The following SOX6 variants were observed in gnomAD, a reference collection of about 807,000 sequenced individuals.
SOX6 encodes the protein transcription factor SOX-6.
A neutral mutation model predicts 97.8 loss-of-function variants in SOX6; 11 were observed. The observed-to-expected ratio is 0.11, with a 90% CI of 0.07 to 0.19. The LOEUF (loss-of-function observed/expected upper bound fraction) is 0.19. Ranked by LOEUF, SOX6 falls within the 10% of genes least tolerant of loss-of-function variation. The probability of loss-of-function intolerance (pLI) is 1.00; values close to 1 mark genes in which losing one functional copy is unlikely to be tolerated. For synonymous variants in SOX6, 360 were observed against 371.4 expected, an observed-to-expected ratio of 0.97 and a Z score of 0.35; for missense variants, 810 against 1,039.5, an observed-to-expected ratio of 0.78 and a Z score of 3.04.
intron 1 of SOX6, among the ~76,000 whole-genome samples, chr11:16,375,632 T>A (rs991589586): frequency 1.3e-5 from 2 of 152,090 alleles, no homozygotes; most frequent in African/African-American, 4.8e-5. Flanking sequence ...GGCAAACACA[T>A]TTTTTTAAAG....
chr11:16,718,667 G>T (rs1044133782), intron 2 of SOX6, among the ~76,000 whole-genome samples: 1 of 152,020 alleles, frequency 6.6e-6, no homozygotes, highest in Non-Finnish European at 1.5e-5. Context: ...TTCCTGAGTG[G>T]TGAGATTATA....
intron 9 of SOX6, among the ~76,000 whole-genome samples, chr11:16,095,135 A>C (rs1848766337): frequency 6.6e-6 from 1 of 151,902 alleles, no homozygotes; most frequent in South Asian, 2.1e-4. Flanking sequence ...ATCTGCTATT[A>C]TATCTAACCC....
intron 3 of SOX6, chr11:16,317,674 T>A (rs978197808): frequency 6.5e-6 from 1 of 153,166 alleles, no homozygotes; most frequent in Non-Finnish European, 1.5e-5. Context: ...AATTTGTCTA[T>A]AGTAAAAAAC....
chr11:16,593,911 T>A (rs1226393715), intron 4 of SOX6, among the ~76,000 whole-genome samples: 1 of 152,052 alleles, frequency 6.6e-6, no homozygotes, highest in African/African-American at 2.4e-5. Flanking sequence ...AATTCAGAAT[T>A]AAAAAAGAAA....
At chr11:16,421,750 G>C (rs1425415471) in intron 1 of SOX6, among the ~76,000 whole-genome samples, 1 of 152,160 alleles carries the variant, frequency 6.6e-6, no homozygotes, top group East Asian at 1.9e-4. Flanking sequence ...GTTATCTTAG[G>C]TCACATTTCA....
chr11:16,573,468 A>C (rs962236291), intron 4 of SOX6, among the ~76,000 whole-genome samples: 15 of 152,218 alleles, frequency 9.9e-5, no homozygotes, highest in Non-Finnish European at 1.5e-5. Flanking sequence ...TTCATGCATT[A>C]TTTCATTATT....
chr11:16,428,356 T>C (rs1859196242), intron 1 of SOX6, among the ~76,000 whole-genome samples: 1 of 152,256 alleles, frequency 6.6e-6, no homozygotes, highest in South Asian at 2.1e-4. Context: ...CAATTTTGGC[T>C]TTTGTTGCCA....
intron 1 of SOX6, among the ~76,000 whole-genome samples, chr11:16,424,355 C>T (rs1017153467): frequency 1.9e-4 from 29 of 152,286 alleles, no homozygotes; most frequent in African/African-American, 7.0e-4. Flanking sequence ...ACTATTGTAA[C>T]TGACTCTCTA....
intron 1 of SOX6, among the ~76,000 whole-genome samples, chr11:16,363,421 C>G (rs896890869): frequency 3.9e-5 from 6 of 152,152 alleles, no homozygotes; most frequent in African/African-American, 1.4e-4. Flanking sequence ...GATGTTCAAT[C>G]CAATATCTGC....
Position 16,558,581 on chromosome 11 carries a change from T to C in SOX6, n.609+53500A>G, listed in dbSNP as rs1847774639. 2.0e-5 allele frequency among the ~76,000 whole-genome samples: 3 copies of C among 152,012 alleles called. No individual in the cohort carries two copies. In the South Asian group the frequency reaches 6.2e-4, roughly 31 times the overall value. ...CAAAGCAGAAACTTAATTTCACTAA[T>C]ATCTCTTCTTTCTCAAGACTTCCAA... On this transcript the variant is annotated intron_variant and non_coding_transcript_variant, in intron 4 of 5. Coordinates refer to the SOX6 transcript ENST00000524520.
chr11:16,681,794 C>T (rs1378772009), intron 3 of SOX6, among the ~76,000 whole-genome samples: 2 of 152,148 alleles, frequency 1.3e-5, no homozygotes, highest in African/African-American at 4.8e-5. Flanking sequence ...CCACTGATCC[C>T]ACAGAAATAC....
chr11:16,518,977 T>C (rs1271476547), intron 4 of SOX6, among the ~76,000 whole-genome samples: 1 of 152,094 alleles, frequency 6.6e-6, no homozygotes, highest in African/African-American at 2.4e-5. Flanking sequence ...CCAAAGTATA[T>C]ACTATTCATA....
At chr11:16,014,254 A>C (rs1207001976) in intron 13 of SOX6, among the ~76,000 whole-genome samples, 1 of 152,098 alleles carries the variant, frequency 6.6e-6, no homozygotes, top group Non-Finnish European at 1.5e-5. Flanking sequence ...AAGGGAAAAG[A>C]AGCGAACAGG....
At chr11:16,266,209 C>A (rs752272960) in intron 3 of SOX6, among the ~76,000 whole-genome samples, 15 of 151,658 alleles carry the variant, frequency 9.9e-5, no homozygotes, top group African/African-American at 3.1e-4. Context: ...TGTAGAGGAA[C>A]TAAAATCATG....
chr11:16,180,551 A>G (rs916801862), intron 6 of SOX6, among the ~76,000 whole-genome samples: 7 of 151,746 alleles, frequency 4.6e-5, no homozygotes, highest in African/African-American at 1.7e-4. Context: ...AAAAAATTAG[A>G]GAAATCATCA....
rs569907765 is a variant in SOX6, at chr11:15,986,115, A to C, written c.2183+89T>G. 14 of 1,222,594 alleles carry C rather than the reference A, an allele frequency of 1.1e-5. No homozygotes were observed. In the East Asian group the frequency reaches 3.0e-4, roughly 26 times the overall value. 75.7% of individuals were successfully genotyped at this position (1,222,594 alleles called of 1,614,324 possible). On this transcript the variant is annotated intron_variant, in intron 15 of 15. Transcript: ENST00000683767. ...TATGCCACAACCTCCTCTTTCCCTA[A>C]TCTCCTTCCCAAACATACTGCCAGT... is the stretch of plus-strand genomic sequence containing the variant.
intron 3 of SOX6, among the ~76,000 whole-genome samples, chr11:16,623,044 G>A (rs1002852188): frequency 1.3e-5 from 2 of 151,330 alleles, no homozygotes; most frequent in Admixed American, 6.6e-5. Context: ...TTTTTTTAAT[G>A]GAGTCTCAGT....
rs1848427146 is a variant in SOX6 at position 16,613,539 on chromosome 11, G to A, written n.430-1279C>T. 1.3e-5 allele frequency among the ~76,000 whole-genome samples: 2 copies of A among 152,066 alleles called. No individual in the cohort carries two copies. Among genetic ancestry groups the A allele is most frequent in the Non-Finnish European group, 2.9e-5 (2 of 68,012 alleles). ...CTGAGGGCTCAGGTGATGGAGAGGA[G>A]GCTCGCGGCGTCCCAAACGGGTTCG... On this transcript the variant is annotated intron_variant and non_coding_transcript_variant, in intron 3 of 5. Transcript: ENST00000524520. This position sits in a 1 kb window ranked among gnomAD's most constrained non-coding sequence, Gnocchi z 4.6.
intron 4 of SOX6, among the ~76,000 whole-genome samples, chr11:16,503,255 G>T (rs1246348051): frequency 7.2e-6 from 1 of 138,110 alleles, no homozygotes; most frequent in African/African-American, 2.7e-5. Context: ...CTACCACCAT[G>T]AAAAAAAAAA....
Sources: gnomAD v4.1 joint callset for allele counts (sites outside exome capture counted in the v4.1 genomes callset) on GRCh38, gnomAD v4.1.1 for gene constraint, Gnocchi (gnomAD v3.1) non-coding constraint, MANE v1.5 for transcripts, NCBI Gene and HGNC (gene_info 2026-07-23, HGNC 2026-07-21) for gene names.